The following SHISA6 variants were observed in gnomAD, a reference collection of about 807,000 sequenced individuals.
SHISA6 encodes protein shisa-6.
Under a neutral mutation model 47.9 loss-of-function variants are expected in SHISA6, and 22 were observed. That is an observed-to-expected ratio of 0.46 (90% CI 0.33 to 0.66). SHISA6 has a LOEUF of 0.66. Among genes scored for constraint, SHISA6 ranks in the 30% least tolerant of loss-of-function variants. The pLI is 0.02. For synonymous variants in SHISA6, 388 were observed against 337.8 expected, an observed-to-expected ratio of 1.15 and a Z score of -1.63; for missense variants, 680 against 764.6, an observed-to-expected ratio of 0.89 and a Z score of 1.30.
Position 11,483,258 on chromosome 17 carries a change from G to C in SHISA6, c.896-68638G>C, listed in dbSNP as rs562397085. On this transcript the variant is annotated intron_variant, in intron 3 of 5. Coordinates refer to ENST00000441885, the MANE Select transcript of SHISA6 (RefSeq NM_207386.4). ...GGAGGTTGCAGTAAGCCAAGATCGT[G>C]CCATTGCACTCCAGCCTGGGCAACA... Among the ~76,000 whole-genome samples the C allele has an allele frequency of 7.7e-4, 117 of 151,156 alleles. 1 individual carries two copies. Among genetic ancestry groups the C allele is most frequent in the African/African-American group, 2.6e-3 (108 of 41,116 alleles).
chr17:11,488,471 A>C (rs1265507098), intron 3 of SHISA6, among the ~76,000 whole-genome samples: 1 of 152,152 alleles, frequency 6.6e-6, no homozygotes, highest in Non-Finnish European at 1.5e-5. Context: ...TCAGCTTCAC[A>C]AGATCAACTC....
intron 3 of SHISA6, among the ~76,000 whole-genome samples, chr17:11,516,651 T>A (rs2071588351): frequency 6.6e-6 from 1 of 152,158 alleles, no homozygotes; most frequent in African/African-American, 2.4e-5. Context: ...AATCCCTGAA[T>A]GTTTGAAACT....
chr17:11,361,167 T>G (rs1912269521), intron 2 of SHISA6, among the ~76,000 whole-genome samples: 1 of 152,102 alleles, frequency 6.6e-6, no homozygotes, highest in Non-Finnish European at 1.5e-5. Context: ...TTTTTCAAAA[T>G]GTCTTGTCTC....
chr17:11,382,267 C>T (rs1913036673), intron 3 of SHISA6, among the ~76,000 whole-genome samples: 1 of 152,004 alleles, frequency 6.6e-6, no homozygotes, highest in South Asian at 2.1e-4. Flanking sequence ...TTTGTAGAAA[C>T]AGGGTCTCAC....
chr17:11,250,339 C>A (rs1159289503), intron 1 of SHISA6, among the ~76,000 whole-genome samples: 1 of 152,220 alleles, frequency 6.6e-6, no homozygotes, highest in African/African-American at 2.4e-5. Context: ...CTGGGCCAGA[C>A]TGCCTTAGAT....
intron 3 of SHISA6, among the ~76,000 whole-genome samples, chr17:11,414,147 C>T (rs550192845): frequency 4.0e-5 from 6 of 151,852 alleles, no homozygotes. Context: ...ATCCCTTCCT[C>T]ATCTTTCTTC....
intron 3 of SHISA6, among the ~76,000 whole-genome samples, chr17:11,455,837 A>G (rs1322293513): frequency 1.3e-5 from 2 of 152,164 alleles, no homozygotes; most frequent in African/African-American, 4.8e-5. Flanking sequence ...TGGTCATCGA[A>G]AAGCTCTTGG....
intron 2 of SHISA6, among the ~76,000 whole-genome samples, chr17:11,354,339 A>T (rs72807115): frequency 0.099 from 15,102 of 152,140 alleles, 892 homozygotes; most frequent in Non-Finnish European, 0.14. Context: ...CAAGGAGCAC[A>T]TTCTGGGTAG....
intron 3 of SHISA6, among the ~76,000 whole-genome samples, chr17:11,530,160 A>G (rs181414520): frequency 1.3e-5 from 2 of 152,316 alleles, no homozygotes; most frequent in Admixed American, 6.5e-5. Flanking sequence ...TTCCTTAGGG[A>G]AAACAATTAA....
At chr17:11,404,264 A>G (rs1410325253) in intron 3 of SHISA6, among the ~76,000 whole-genome samples, 2 of 152,194 alleles carry the variant, frequency 1.3e-5, no homozygotes, top group African/African-American at 4.8e-5. Flanking sequence ...ATCCTGTGCT[A>G]GGCACTGAGA....
intron 2 of SHISA6, among the ~76,000 whole-genome samples, chr17:11,344,458 G>A (rs1293051022): frequency 6.6e-6 from 1 of 151,948 alleles, no homozygotes; most frequent in Non-Finnish European, 1.5e-5. Context: ...TATATTTTTA[G>A]CTTTTATATT....
chr17:11,511,603 A>T (rs1427927091), intron 3 of SHISA6, among the ~76,000 whole-genome samples: 2 of 151,926 alleles, frequency 1.3e-5, no homozygotes, highest in Admixed American at 1.3e-4. Flanking sequence ...TTCAGTTAGT[A>T]CTATCATGCT....
At chr17:11,388,425 T>A (rs531844858) in intron 3 of SHISA6, among the ~76,000 whole-genome samples, 2 of 152,128 alleles carry the variant, frequency 1.3e-5, no homozygotes, top group Non-Finnish European at 2.9e-5. Flanking sequence ...GGTTCTGGGC[T>A]GAGGGCACCA....
chr17:11,419,523 C>T (rs1160471464), intron 3 of SHISA6, among the ~76,000 whole-genome samples: 2 of 152,064 alleles, frequency 1.3e-5, no homozygotes, highest in African/African-American at 2.4e-5. Flanking sequence ...AGTTAGATTA[C>T]GTTGAGTGAA....
chr17:11,479,402 T>C (rs1479342787), intron 3 of SHISA6, among the ~76,000 whole-genome samples: 1 of 151,480 alleles, frequency 6.6e-6, no homozygotes, highest in East Asian at 1.9e-4. Context: ...TAAGTGGGAG[T>C]TGAACAATGA....
At chr17:11,253,607 T>C (rs962375798) in intron 1 of SHISA6, among the ~76,000 whole-genome samples, 1 of 152,200 alleles carries the variant, frequency 6.6e-6, no homozygotes, top group African/African-American at 2.4e-5. Context: ...TTTATGTCTG[T>C]TTCGTTGATA....
intron 4 of SHISA6, among the ~76,000 whole-genome samples, chr17:11,554,121 A>C (rs1264494124): frequency 1.3e-5 from 2 of 152,166 alleles, no homozygotes; most frequent in Admixed American, 1.3e-4. Flanking sequence ...AGGCAGAAGG[A>C]GGTTCCTTCT....
At chr17:11,246,574 G>C (rs750361354) in intron 1 of SHISA6, among the ~76,000 whole-genome samples, 3 of 149,686 alleles carry the variant, frequency 2.0e-5, no homozygotes, top group Non-Finnish European at 4.5e-5. Flanking sequence ...GGAAGGGCTA[G>C]GGGAAGGATG....
intron 2 of SHISA6, among the ~76,000 whole-genome samples, chr17:11,309,541 T>C (rs1287856978): frequency 2.0e-5 from 3 of 152,232 alleles, no homozygotes; most frequent in Non-Finnish European, 4.4e-5. Flanking sequence ...TCTCTTACTT[T>C]CTGATGCTTT....
Sources: allele counts gnomAD v4.1 joint callset (sites outside exome capture counted in the v4.1 genomes callset), GRCh38; gene constraint gnomAD v4.1.1; transcripts MANE v1.5; gene names NCBI Gene and HGNC (gene_info 2026-07-23, HGNC 2026-07-21).